NBAS: variants seen among roughly 807,000 people sequenced by gnomAD.
The protein encoded by NBAS is NBAS subunit of NRZ tethering complex, also known as NAG/BC035112 fusion.
NBAS carries 219 observed loss-of-function variants against 302.5 expected under a neutral mutation model. The ratio of observed to expected loss-of-function variants is 0.72; its 90% CI spans 0.65 to 0.81. The LOEUF (loss-of-function observed/expected upper bound fraction) is 0.81. NBAS is among the 30% of genes least tolerant of loss of function. The pLI is 0.00. For missense variants in NBAS, 2,932 were observed against 2,841.6 expected (o/e 1.03, Z -0.72); for synonymous variants, 1,118 against 1,021.6 (o/e 1.09, Z -1.80).
At chr2:15,285,509 T>A (rs1223439868) in intron 42 of NBAS, among the ~76,000 whole-genome samples, 1 of 152,178 alleles carries the variant, frequency 6.6e-6, no homozygotes, top group Non-Finnish European at 1.5e-5. Flanking sequence ...ATCCACAACA[T>A]CACTATTTCT....
intron 33 of NBAS, 23 bp from the exon 34 acceptor site, chr2:15,353,733 A>G (rs960529012): frequency 6.2e-7 from 1 of 1,613,746 alleles, no homozygotes; most frequent in African/African-American, 1.3e-5. Context: ...CAAGGAAAAA[A>G]ATGATTCCCA....
chr2:14,972,388 A>C, the NBAS span, among the ~76,000 whole-genome samples: 2 of 152,054 alleles, frequency 1.3e-5, no homozygotes, highest in Non-Finnish European at 2.9e-5. Flanking sequence ...TAACAAACCT[A>C]AATGTTCTGC....
At chr2:15,103,159 C>A in the NBAS span, among the ~76,000 whole-genome samples, 1 of 152,166 alleles carries the variant, frequency 6.6e-6, no homozygotes, top group African/African-American at 2.4e-5. Context: ...TGTTCCAATA[C>A]AACCATGTTT....
intron 1 of NBAS, among the ~76,000 whole-genome samples, chr2:15,559,598 C>T (rs1389927367): frequency 6.6e-6 from 1 of 152,098 alleles, no homozygotes; most frequent in Non-Finnish European, 1.5e-5. Context: ...TCATGCAAGA[C>T]ACAATTTGGC....
chr2:14,963,964 G>T, the NBAS span, among the ~76,000 whole-genome samples: 1 of 152,174 alleles, frequency 6.6e-6, no homozygotes, highest in Non-Finnish European at 1.5e-5. Flanking sequence ...GGAATAATTA[G>T]CCTAAGGCTA....
Position 15,365,550 on chromosome 2 carries a change from C to T in NBAS, c.3817+1030G>A, listed in dbSNP as rs565826736. On this transcript the variant is annotated intron_variant, in intron 32 of 51. Transcript: ENST00000281513. ...AGAACTTGAACCAGTGTTCTGACTC[C>T]ACATGAACTGTTCTCCCCATTCATT... Among the ~76,000 whole-genome samples, 4 of 152,272 alleles carry T rather than the reference C, an allele frequency of 2.6e-5. No individual in the cohort carries two copies. In the South Asian group the frequency reaches 8.3e-4, roughly 32 times the overall value.
At chr2:15,108,255 G>C in the NBAS span, among the ~76,000 whole-genome samples, 2 of 152,086 alleles carry the variant, frequency 1.3e-5, no homozygotes, top group East Asian at 3.9e-4. Flanking sequence ...TGTGTGCTGG[G>C]CACTTTTAAT....
At chr2:15,169,663 T>C (rs189859592) in intron 51 of NBAS, among the ~76,000 whole-genome samples, 13 of 152,318 alleles carry the variant, frequency 8.5e-5, no homozygotes, top group African/African-American at 3.1e-4. Flanking sequence ...TTATTGTTTG[T>C]TTCCCTCCAG....
At chr2:15,289,957 ACAGCCCTC>A (rs1392992149) in intron 41 of NBAS, among the ~76,000 whole-genome samples, 1 of 151,978 alleles carries the variant, frequency 6.6e-6, no homozygotes, top group Non-Finnish European at 1.5e-5. Flanking sequence ...AGATCGTGCC[ACAGCCCTC>A]CAGCCTGGCG....
intron 24 of NBAS, 100 bp downstream of exon 24, chr2:15,417,427 G>T: frequency 9.9e-7 from 1 of 1,013,452 alleles, no homozygotes; most frequent in Non-Finnish European, 1.5e-6. Flanking sequence ...TAACTTCTCA[G>T]GTCTGTAGAA....
rs1376782778 is a variant in NBAS, at chr2:15,435,199, G to A, written c.2340-7405C>T. Among the ~76,000 whole-genome samples the A allele has an allele frequency of 2.0e-5, 3 of 152,160 alleles. No individual in the cohort carries two copies. In the East Asian group the frequency reaches 5.8e-4, roughly 29 times the overall value. ...AGTGCTAATGGATTTTGAATAAAAG[G>A]ATTAGAGAGGAAAGAATACTTTTAA... is the stretch of plus-strand genomic sequence containing the variant. On this transcript the variant is annotated intron_variant, in intron 21 of 51. Coordinates refer to ENST00000281513, the MANE Select transcript of NBAS (RefSeq NM_015909.4).
At position 15,186,085 on chromosome 2, in the gene NBAS, T is replaced by C. The variant is rs199666008; in HGVS notation, c.6711+657A>G. ...TTCTCTCCATACATACATATATATA[T>C]ACACACACACACACACACACACACA... On this transcript the variant is annotated intron_variant, in intron 50 of 51. Coordinates refer to ENST00000281513, the MANE Select transcript of NBAS (RefSeq NM_015909.4). Among the ~76,000 whole-genome samples the C allele has an allele frequency of 4.1e-3, 609 of 147,304 alleles. 1 individual carries two copies. Among genetic ancestry groups the C allele is most frequent in the African/African-American group, 9.4e-3 (381 of 40,586 alleles).
chr2:15,049,693 G>A, the NBAS span, among the ~76,000 whole-genome samples: 10 of 152,302 alleles, frequency 6.6e-5, no homozygotes, highest in South Asian at 2.1e-4. Flanking sequence ...ATAGATCCTC[G>A]TGCTCCTTCG....
chr2:15,490,112 G>A (rs1326850379), intron 11 of NBAS, among the ~76,000 whole-genome samples: 1 of 152,010 alleles, frequency 6.6e-6, no homozygotes, highest in Non-Finnish European at 1.5e-5. Context: ...TCAAATACTA[G>A]CTATAGAACT....
chr2:15,328,330 A>G lies in NBAS; in HGVS notation c.4348-18T>C. 1 of 1,585,450 alleles carries G rather than the reference A, an allele frequency of 6.3e-7. No homozygotes were observed. The highest frequency in any genetic ancestry group is 8.7e-7 in the Non-Finnish European group (1 of 1,154,176). The stretch of plus-strand genomic sequence containing the variant: ...TTTTGCCCCTAAAAAGAAAAAAAGT[A>G]CAGAACAATGGATAAAAAGAAAGAG... On this transcript the variant is annotated intron_variant, in intron 36 of 51. Transcript: ENST00000281513.
At chr2:15,440,055 T>C (rs1006412566) in intron 21 of NBAS, among the ~76,000 whole-genome samples, 4 of 152,244 alleles carry the variant, frequency 2.6e-5, no homozygotes, top group African/African-American at 7.2e-5. Flanking sequence ...TGCCTGCCTC[T>C]GTAGGCTCCA....
chr2:15,178,948 A>T, intron 51 of NBAS, 40 bp downstream of exon 51: 1 of 612,912 alleles, frequency 1.6e-6, no homozygotes, highest in Non-Finnish European at 2.0e-6. Flanking sequence ...TGAAACATTA[A>T]AAAAAAAAAA....
At chr2:14,917,517 A>G in the NBAS span, among the ~76,000 whole-genome samples, 2 of 152,210 alleles carry the variant, frequency 1.3e-5, no homozygotes, top group Non-Finnish European at 2.9e-5. Context: ...GGTTAGAAGC[A>G]AGTCAAAAGG....
intron 23 of NBAS, among the ~76,000 whole-genome samples, chr2:15,419,526 G>C (rs921415177): frequency 6.6e-6 from 1 of 152,088 alleles, no homozygotes; most frequent in Non-Finnish European, 1.5e-5. Context: ...GGGCTCTAGT[G>C]ATCTTCCCAC....
Sources: gnomAD v4.1 joint callset for allele counts (sites outside exome capture counted in the v4.1 genomes callset) on GRCh38, gnomAD v4.1.1 for gene constraint, MANE v1.5 for transcripts, NCBI Gene and HGNC (gene_info 2026-07-23, HGNC 2026-07-21) for gene names.